TENM1: variants seen among roughly 807,000 people sequenced by gnomAD.
TENM1 encodes the protein teneurin transmembrane protein 1.
A neutral mutation model predicts 174.8 loss-of-function variants in TENM1; 35 were observed. The ratio of observed to expected loss-of-function variants is 0.20; its 90% CI spans 0.15 to 0.27. The LOEUF (loss-of-function observed/expected upper bound fraction) is 0.27. TENM1 is among the 10% of genes least tolerant of loss of function. The pLI is 1.00. For synonymous variants in TENM1, 781 were observed against 798.7 expected, an observed-to-expected ratio of 0.98 and a Z score of 0.37; for missense variants, 1,633 against 2,130.1, an observed-to-expected ratio of 0.77 and a Z score of 4.59.
chrX:125,081,489 C>T, the TENM1 span, among the ~76,000 whole-genome samples: 1 of 110,949 alleles, frequency 9.0e-6, no homozygotes, highest in Non-Finnish European at 1.9e-5. Flanking sequence ...GGCATCACTG[C>T]TTACACAGTT....
chrX:124,577,228 G>C (rs775981443), intron 11 of TENM1, among the ~76,000 whole-genome samples: 1 of 111,319 alleles, frequency 9.0e-6, no homozygotes, highest in Non-Finnish European at 1.9e-5. Flanking sequence ...TCTGCATCCT[G>C]AATGCAGAAG....
At chrX:125,152,252 T>TAA in the TENM1 span, among the ~76,000 whole-genome samples, 52 of 97,871 alleles carry the variant, frequency 5.3e-4, no homozygotes, top group African/African-American at 1.7e-3. Context: ...TTTGTATTTT[T>TAA]AAAAAAAAAA....
chrX:124,592,660 C>G (rs1170085010), intron 11 of TENM1, among the ~76,000 whole-genome samples: 1 of 109,692 alleles, frequency 9.1e-6, no homozygotes, highest in Non-Finnish European at 1.9e-5. Context: ...GTCTTGAACT[C>G]TTGACCTCAG....
chrX:124,546,948 A>C, exon 15 of TENM1: 2 of 1,211,714 alleles, frequency 1.7e-6, no homozygotes, highest in Non-Finnish European at 2.2e-6. Flanking sequence ...TTCGATCATA[A>C]AAAAGTCTTG....
intron 5 of TENM1, among the ~76,000 whole-genome samples, chrX:124,681,576 G>A (rs910515684): frequency 1.8e-5 from 2 of 111,530 alleles, no homozygotes; most frequent in Admixed American, 9.5e-5. Context: ...AAAAGAACTG[G>A]CCCTGTTGGG....
chrX:124,586,599 CT>C (rs2049522169), intron 11 of TENM1, among the ~76,000 whole-genome samples: 1 of 109,692 alleles, frequency 9.1e-6, no homozygotes, highest in Non-Finnish European at 1.9e-5. Flanking sequence ...TGGGCAAAAA[CT>C]GGAAGCATTC....
chrX:124,763,519 A>C (rs770576633), intron 3 of TENM1, among the ~76,000 whole-genome samples: 11 of 111,416 alleles, frequency 9.9e-5, no homozygotes, highest in Non-Finnish European at 2.1e-4. Context: ...TGAAAAGCTT[A>C]GTCAGTGAGA....
At chrX:125,028,322 A>G in the TENM1 span, among the ~76,000 whole-genome samples, 1 of 112,484 alleles carries the variant, frequency 8.9e-6, no homozygotes, top group South Asian at 3.6e-4. Context: ...TTAAGAGACA[A>G]AAGAACATTG....
In TENM1 at chrX:124,955,797, G is replaced by GCACACACACACA. The variant is rs376755403; in HGVS notation, c.217+7728_217+7739dup. On this transcript the variant is annotated intron_variant, in intron 1 of 31. Transcript: ENST00000422452. ...ATAAACAGATACAACACACGCGCAC[G>GCACACACACACA]CACACACACACACACACACACACAC... Among the ~76,000 whole-genome samples the GCACACACACACA allele has an allele frequency of 8.3e-3, 755 of 91,225 alleles. 4 individuals carry two copies. The highest frequency in any genetic ancestry group is 0.021 in the Middle Eastern group (4 of 189). 79.2% of individuals were successfully genotyped at this position (91,225 alleles called of 115,157 possible).
At chrX:125,158,322 G>T in the TENM1 span, among the ~76,000 whole-genome samples, 12 of 97,296 alleles carry the variant, frequency 1.2e-4, no homozygotes, top group Non-Finnish European at 4.0e-5. Context: ...AGAATCCCTT[G>T]AACCTGGGAG....
intron 19 of TENM1, among the ~76,000 whole-genome samples, chrX:124,500,079 A>G (rs1406650702): frequency 9.0e-6 from 1 of 111,534 alleles, no homozygotes; most frequent in African/African-American, 3.3e-5. Context: ...GCAATTCTAA[A>G]ACTCCCCTTT....
chrX:124,754,834 T>G (rs1420310681), intron 3 of TENM1, among the ~76,000 whole-genome samples: 14 of 106,190 alleles, frequency 1.3e-4, no homozygotes, highest in African/African-American at 4.8e-4. Flanking sequence ...CTAGTTTGAT[T>G]GCATTGTGGT....
chrX:124,768,416 T>C (rs1169594641), intron 3 of TENM1, among the ~76,000 whole-genome samples: 1 of 112,009 alleles, frequency 8.9e-6, no homozygotes, highest in African/African-American at 3.2e-5. Context: ...TCAGATGGTA[T>C]CCAAATCTTT....
intron 3 of TENM1, among the ~76,000 whole-genome samples, chrX:124,786,090 C>T (rs866607230): frequency 2.7e-5 from 3 of 110,876 alleles, no homozygotes; most frequent in Middle Eastern, 4.6e-3. Flanking sequence ...AAATATACAT[C>T]GTAAGAATGT....
chrX:124,879,350 C>T (rs1236037718), intron 3 of TENM1, among the ~76,000 whole-genome samples: 1 of 112,147 alleles, frequency 8.9e-6, no homozygotes, highest in Non-Finnish European at 1.9e-5. Flanking sequence ...TTTAAACCTC[C>T]ACATATGGGT....
chrX:125,120,473 GC>G, the TENM1 span, among the ~76,000 whole-genome samples: 1 of 108,206 alleles, frequency 9.2e-6, no homozygotes, highest in Admixed American at 9.9e-5. Context: ...CCCCCAACCT[GC>G]CCCCCACACG....
intron 11 of TENM1, among the ~76,000 whole-genome samples, chrX:124,614,032 C>A (rs186236608): frequency 1.8e-5 from 2 of 111,494 alleles, no homozygotes; most frequent in African/African-American, 3.3e-5. Flanking sequence ...CCGATATATG[C>A]GCCCCAAGGC....
chrX:124,949,309 A>T (rs978307940), intron 1 of TENM1, among the ~76,000 whole-genome samples: 2 of 112,234 alleles, frequency 1.8e-5, no homozygotes, highest in Non-Finnish European at 1.9e-5. Flanking sequence ...AAACATCCTC[A>T]CTTTACATAA....
the TENM1 span, among the ~76,000 whole-genome samples, chrX:125,107,953 C>T: frequency 3.4e-4 from 38 of 111,934 alleles, no homozygotes; most frequent in East Asian, 6.7e-3. Flanking sequence ...CCAGACCTTT[C>T]GACTTGTATT....
Sources: gnomAD v4.1 joint callset for allele counts (sites outside exome capture counted in the v4.1 genomes callset) on GRCh38, gnomAD v4.1.1 for gene constraint, MANE v1.5 for transcripts, NCBI Gene and HGNC (gene_info 2026-07-23, HGNC 2026-07-21) for gene names.